ROBO2: variants seen among roughly 807,000 people sequenced by gnomAD.
ROBO2 encodes the protein roundabout guidance receptor 2, also known as roundabout homolog 2.
ROBO2 carries 53 observed loss-of-function variants against 160.8 expected under a neutral mutation model. The ratio of observed to expected loss-of-function variants is 0.33; its 90% confidence interval spans 0.26 to 0.41. ROBO2 has a LOEUF of 0.41. ROBO2 is among the 10% of genes least tolerant of loss of function. The probability of loss-of-function intolerance (pLI) is 1.00; values close to 1 mark genes in which losing one functional copy is unlikely to be tolerated. For synonymous variants in ROBO2, 664 were observed against 611.7 expected (o/e 1.09, Z -1.26); for missense variants, 1,577 against 1,722.4 (o/e 0.92, Z 1.49).
rs893056279 is a variant in ROBO2 at position 77,272,589 on chromosome 3, T to A, written c.388+174249T>A. 2.0e-5 allele frequency among the ~76,000 whole-genome samples: 3 copies of A among 152,116 alleles called. No individual in the cohort carries two copies. In the East Asian group the frequency reaches 5.8e-4, roughly 30 times the overall value. The stretch of plus-strand genomic sequence containing the variant: ...CATGAGATTTGAGTGGGAACACAAA[T>A]CCAAACCATATCATAAGCAAAATGT... On this transcript the variant is annotated intron_variant, in intron 2 of 25. Transcript: ENST00000461745.
intron 2 of ROBO2, among the ~76,000 whole-genome samples, chr3:76,989,092 T>C (rs2060531921): frequency 6.6e-6 from 1 of 152,156 alleles, no homozygotes; most frequent in African/African-American, 2.4e-5. Flanking sequence ...TTTGCATTCT[T>C]ATCTATACTG....
At chr3:77,457,973 A>C (rs2081855274) in intron 2 of ROBO2, among the ~76,000 whole-genome samples, 1 of 152,174 alleles carries the variant, frequency 6.6e-6, no homozygotes, top group Non-Finnish European at 1.5e-5. Flanking sequence ...TATAACTTTA[A>C]ATATCTCTAT....
chr3:77,181,837 G>A (rs570112099), intron 2 of ROBO2, among the ~76,000 whole-genome samples: 9 of 152,036 alleles, frequency 5.9e-5, no homozygotes, highest in South Asian at 2.1e-4. Context: ...TATCAATTAC[G>A]TAACATATTT....
At chr3:77,085,951 T>C (rs1462143316) in intron 1 of ROBO2, among the ~76,000 whole-genome samples, 1 of 152,124 alleles carries the variant, frequency 6.6e-6, no homozygotes, top group Non-Finnish European at 1.5e-5. Context: ...ATAAAGTTTA[T>C]TTAATATCCC....
intron 2 of ROBO2, among the ~76,000 whole-genome samples, chr3:77,204,285 G>A (rs571945883): frequency 3.2e-4 from 49 of 152,180 alleles, no homozygotes; most frequent in African/African-American, 1.1e-3. Context: ...GGCATTCAGT[G>A]CATGCAACTA....
chr3:76,780,038 C>T (rs2062531176), intron 2 of ROBO2, among the ~76,000 whole-genome samples: 2 of 150,878 alleles, frequency 1.3e-5, no homozygotes, highest in Non-Finnish European at 1.5e-5. Context: ...GATTCCTTTT[C>T]TTCATATTCT....
At chr3:76,968,905 C>T (rs1261226371) in intron 2 of ROBO2, among the ~76,000 whole-genome samples, 1 of 152,088 alleles carries the variant, frequency 6.6e-6, no homozygotes, top group East Asian at 1.9e-4. Flanking sequence ...CCAATTTAAT[C>T]ACTTTTTAAA....
chr3:76,037,472 G>T (rs1437824895), intron 2 of ROBO2, among the ~76,000 whole-genome samples: 1 of 151,700 alleles, frequency 6.6e-6, no homozygotes, highest in African/African-American at 2.4e-5. Flanking sequence ...GGCTGGGCTG[G>T]TCTCGAACTC....
intron 2 of ROBO2, among the ~76,000 whole-genome samples, chr3:76,730,280 C>T (rs1254702288): frequency 3.5e-5 from 3 of 85,610 alleles, no homozygotes; most frequent in East Asian, 3.5e-4. Flanking sequence ...TACTCCCTAC[C>T]CGCTTGTCCT....
intron 12 of ROBO2, among the ~76,000 whole-genome samples, chr3:77,566,838 T>C (rs1178668054): frequency 1.3e-5 from 2 of 152,094 alleles, no homozygotes; most frequent in African/African-American, 4.8e-5. Context: ...TTGGGTACCA[T>C]ACTTTCAGCA....
chr3:76,523,230 G>A (rs1179736489), intron 2 of ROBO2, among the ~76,000 whole-genome samples: 1 of 151,808 alleles, frequency 6.6e-6, no homozygotes, highest in African/African-American at 2.4e-5. Flanking sequence ...CTGTCTAAAG[G>A]AGAAGACTAA....
At chr3:77,345,524 C>A (rs1245981452) in intron 2 of ROBO2, among the ~76,000 whole-genome samples, 2 of 152,102 alleles carry the variant, frequency 1.3e-5, no homozygotes, top group African/African-American at 2.4e-5. Flanking sequence ...TGACATCATG[C>A]TCACTGAATT....
In ROBO2 at chr3:77,530,914, T is replaced by C. The variant is rs548172563; in HGVS notation, c.934+8012T>C. On this transcript the variant is annotated intron_variant, in intron 6 of 25. Transcript: ENST00000461745. ...ATTGGGAAAAATATCTTGCTTCCTA[T>C]ACCCATCTGTCTTATTTTTCTATTG... Among the ~76,000 whole-genome samples, 10 of 152,150 alleles carry C rather than the reference T, an allele frequency of 6.6e-5. No homozygotes were observed. In the East Asian group the frequency reaches 1.6e-3, roughly 24 times the overall value.
chr3:76,795,240 G>A (rs1053633758), intron 2 of ROBO2, among the ~76,000 whole-genome samples: 13 of 152,014 alleles, frequency 8.6e-5, no homozygotes, highest in African/African-American at 3.1e-4. Flanking sequence ...TGAAGGTTAG[G>A]GGAGCTGTGG....
chr3:77,037,558 C>T (rs139363008), upstream of ROBO2, among the ~76,000 whole-genome samples: 26 of 152,296 alleles, frequency 1.7e-4, no homozygotes, highest in African/African-American at 6.3e-4. Context: ...ATACCCTACA[C>T]AAGGATAACT....
chr3:76,099,264 T>C (rs2069583163), intron 2 of ROBO2, among the ~76,000 whole-genome samples: 1 of 152,068 alleles, frequency 6.6e-6, no homozygotes, highest in Non-Finnish European at 1.5e-5. Context: ...ACTGAAGGAG[T>C]TGGCTATGAA....
At chr3:77,189,504 A>C (rs542050859) in intron 2 of ROBO2, among the ~76,000 whole-genome samples, 24 of 152,018 alleles carry the variant, frequency 1.6e-4, no homozygotes, top group African/African-American at 5.3e-4. Context: ...TCACCGTGAC[A>C]TAAAGAAATA....
intron 2 of ROBO2, among the ~76,000 whole-genome samples, chr3:77,344,386 A>G (rs1190947961): frequency 6.6e-6 from 1 of 152,204 alleles, no homozygotes; most frequent in Non-Finnish European, 1.5e-5. Context: ...CCTAATCCCC[A>G]AGGTGATGGT....
chr3:76,695,228 G>C (rs892597883), intron 2 of ROBO2, among the ~76,000 whole-genome samples: 1 of 152,156 alleles, frequency 6.6e-6, no homozygotes, highest in Non-Finnish European at 1.5e-5. Context: ...TGAACCTCTG[G>C]AATAATGTTA....
Sources: allele counts gnomAD v4.1 joint callset (sites outside exome capture counted in the v4.1 genomes callset), GRCh38; gene constraint gnomAD v4.1.1; transcripts MANE v1.5; gene names NCBI Gene and HGNC (gene_info 2026-07-23, HGNC 2026-07-21).